Variants in NTAQ1 observed in about 807,000 individuals in gnomAD.
NTAQ1 encodes the protein protein N-terminal glutamine amidohydrolase.
A neutral mutation model predicts 28.2 loss-of-function variants in NTAQ1; 21 were observed. The observed-to-expected ratio is 0.74, with a 90% CI of 0.53 to 1.07. The LOEUF is 1.07. Among genes scored for constraint, NTAQ1 ranks in the 50% least tolerant of loss-of-function variants. The pLI, the probability that NTAQ1 is intolerant of heterozygous loss-of-function variation, is 0.00. For synonymous variants in NTAQ1, 105 were observed against 90.0 expected (o/e 1.17, Z -0.94); for missense variants, 264 against 256.6 (o/e 1.03, Z -0.20).
chr8:123,460,765 G>C (rs1000444138), intron 6 of NTAQ1, among the ~76,000 whole-genome samples: 16 of 152,222 alleles, frequency 1.1e-4, no homozygotes, highest in African/African-American at 3.9e-4. Context: ...AGTGGCAGGG[G>C]GTTGGGAGTG....
intron 1 of NTAQ1, among the ~76,000 whole-genome samples, chr8:123,426,859 C>T (rs952040187): frequency 2.6e-5 from 4 of 152,138 alleles, no homozygotes; most frequent in African/African-American, 9.7e-5. Flanking sequence ...ACTCAGGAGG[C>T]TGAGGCATGA....
At chr8:123,453,762 T>C (rs748775142) in intron 6 of NTAQ1, among the ~76,000 whole-genome samples, 9 of 152,174 alleles carry the variant, frequency 5.9e-5, no homozygotes, top group Non-Finnish European at 1.3e-4. Flanking sequence ...GTGTATGAAC[T>C]CAATCCTCAA....
chr8:123,431,470 T>C (rs912659779), intron 3 of NTAQ1, among the ~76,000 whole-genome samples: 5 of 152,232 alleles, frequency 3.3e-5, no homozygotes, highest in African/African-American at 1.2e-4. Context: ...ATCATTTGAT[T>C]GGCTTCGCTC....
At chr8:123,427,247 C>CTTTTTTT (rs33920843) in intron 1 of NTAQ1, among the ~76,000 whole-genome samples, 125 of 81,584 alleles carry the variant, frequency 1.5e-3, no homozygotes, top group East Asian at 2.2e-3. Context: ...ATGGTCAAAG[C>CTTTTTTT]TTTTTTTTTT....
rs78589018 is a variant in NTAQ1, at chr8:123,427,457, T to C, written c.84-467T>C. Among the ~76,000 whole-genome samples, 643 of 152,078 alleles carry C rather than the reference T, an allele frequency of 4.2e-3. 36 individuals are homozygous for C. The East Asian group carries it at 0.12, about 28-fold the overall frequency. ...TAGTAGAGACGGGGTTTCACCATAT[T>C]GGTCAGGCTGGTCTCTCTGCCAGGC... is the stretch of plus-strand genomic sequence containing the variant. On this transcript the variant is annotated intron_variant, in intron 1 of 5. Transcript: ENST00000287387.
intron 1 of NTAQ1, among the ~76,000 whole-genome samples, chr8:123,427,288 G>A (rs1586934818): frequency 9.3e-6 from 1 of 107,150 alleles, no homozygotes; most frequent in East Asian, 3.3e-4. Context: ...GTCTTGCTCT[G>A]TTGTCCAGGC....
intron 6 of NTAQ1, among the ~76,000 whole-genome samples, chr8:123,458,633 T>G (rs1461322734): frequency 6.6e-6 from 1 of 151,748 alleles, no homozygotes; most frequent in Non-Finnish European, 1.5e-5. Flanking sequence ...TTTCTTTTTT[T>G]TTTTTTGAAT....
intron 3 of NTAQ1, among the ~76,000 whole-genome samples, chr8:123,434,336 C>G (rs553134667): frequency 6.6e-6 from 1 of 152,190 alleles, no homozygotes; most frequent in East Asian, 1.9e-4. Context: ...TTCAAAAAAA[C>G]TGATATGGGA....
At position 123,435,897 on chromosome 8, in the gene NTAQ1, G is replaced by A. The variant is rs55905469; in HGVS notation, c.235-556G>A. ...AAAAAAATATGTGGGGCCAGGCACC[G>A]TGGCTCACACCTGTAATCCTAGCAC... On this transcript the variant is annotated intron_variant, in intron 3 of 5. Transcript: ENST00000287387. Among the ~76,000 whole-genome samples, 509 of 151,472 alleles carry A rather than the reference G, an allele frequency of 3.4e-3. 6 individuals carry two copies. The highest frequency in any genetic ancestry group is 0.012 in the African/African-American group (486 of 41,296).
chr8:123,446,641 A>C (rs1305524035), downstream of NTAQ1, among the ~76,000 whole-genome samples: 4 of 152,138 alleles, frequency 2.6e-5, no homozygotes, highest in East Asian at 1.9e-4. Flanking sequence ...CAATTCGCGC[A>C]AGACGAGCCC....
At chr8:123,455,630 G>T (rs1387216979) in intron 6 of NTAQ1, among the ~76,000 whole-genome samples, 21 of 151,774 alleles carry the variant, frequency 1.4e-4, no homozygotes, top group Non-Finnish European at 1.6e-4. Context: ...TCACCATGTT[G>T]CCCAGGCTGG....
At chr8:123,474,597 G>T (rs193046442), downstream of NTAQ1, among the ~76,000 whole-genome samples, 1 of 152,164 alleles carries the variant, frequency 6.6e-6, no homozygotes, top group South Asian at 2.1e-4. Flanking sequence ...ATATCTTGGG[G>T]AAATACTTTA....
downstream of NTAQ1, among the ~76,000 whole-genome samples, chr8:123,450,415 G>C (rs1030121503): frequency 1.3e-5 from 2 of 150,452 alleles, no homozygotes; most frequent in Non-Finnish European, 3.0e-5. Flanking sequence ...GGTTTGGGAA[G>C]GGGGCAGAGA....
intron 6 of NTAQ1, among the ~76,000 whole-genome samples, chr8:123,454,601 C>A (rs545868822): frequency 6.6e-6 from 1 of 152,288 alleles, no homozygotes; most frequent in African/African-American, 2.4e-5. Context: ...AACGCCTGAC[C>A]TCAGGTGTAG....
chr8:123,453,911 C>T (rs1815576086), intron 6 of NTAQ1, among the ~76,000 whole-genome samples: 1 of 152,222 alleles, frequency 6.6e-6, no homozygotes, highest in South Asian at 2.1e-4. Context: ...GGCATTCCCA[C>T]TCCAGGGCCT....
At chr8:123,421,005 T>C (rs1313868984) in intron 1 of NTAQ1, among the ~76,000 whole-genome samples, 1 of 151,934 alleles carries the variant, frequency 6.6e-6, no homozygotes, top group Non-Finnish European at 1.5e-5. Flanking sequence ...CAAGATTATC[T>C]TGATCTCTTG....
downstream of NTAQ1, among the ~76,000 whole-genome samples, chr8:123,446,147 A>G (rs953833120): frequency 1.3e-5 from 2 of 151,614 alleles, no homozygotes; most frequent in East Asian, 3.9e-4. Flanking sequence ...GTGCGCTACC[A>G]CACCTGGCTA....
intron 3 of NTAQ1, among the ~76,000 whole-genome samples, chr8:123,431,167 G>A (rs1026520970): frequency 5.9e-5 from 9 of 151,918 alleles, no homozygotes; most frequent in East Asian, 1.9e-4. Context: ...GTAAAACCCC[G>A]TCTCTACTAA....
intron 2 of NTAQ1, among the ~76,000 whole-genome samples, chr8:123,428,346 G>A (rs1814194458): frequency 6.6e-6 from 1 of 151,864 alleles, no homozygotes; most frequent in African/African-American, 2.4e-5. Flanking sequence ...ACAGGCATGT[G>A]CCACCACGCC....
Sources: allele counts gnomAD v4.1 joint callset (sites outside exome capture counted in the v4.1 genomes callset), GRCh38; gene constraint gnomAD v4.1.1; transcripts MANE v1.5; gene names NCBI Gene and HGNC (gene_info 2026-07-23, HGNC 2026-07-21).